PMPCB: variants seen among roughly 807,000 people sequenced by gnomAD.
PMPCB encodes mitochondrial-processing peptidase subunit beta.
Under a neutral mutation model 61.5 loss-of-function variants are expected in PMPCB, and 46 were observed. The ratio of observed to expected loss-of-function variants is 0.75; its 90% CI spans 0.59 to 0.96. The LOEUF (loss-of-function observed/expected upper bound fraction) is 0.96. PMPCB is among the 40% of genes least tolerant of loss of function. The pLI is 0.00. For missense variants in PMPCB, 590 were observed against 602.4 expected, an observed-to-expected ratio of 0.98 and a Z score of 0.22; for synonymous variants, 191 against 201.6, an observed-to-expected ratio of 0.95 and a Z score of 0.44.
intron 12 of PMPCB, among the ~76,000 whole-genome samples, chr7:103,325,936 C>T (rs1188273681): frequency 2.6e-5 from 4 of 152,168 alleles, no homozygotes; most frequent in African/African-American, 9.7e-5. Context: ...TGGAAAATTA[C>T]TGTCACCTAA....
downstream of PMPCB, among the ~76,000 whole-genome samples, chr7:103,332,216 A>C (rs1204004684): frequency 6.6e-6 from 1 of 152,166 alleles, no homozygotes; most frequent in East Asian, 1.9e-4. Context: ...CGTGTTAGCC[A>C]GGATGGTCTC....
the PMPCB span, chr7:103,335,337 T>C: frequency 6.6e-6 from 1 of 152,196 alleles, no homozygotes; most frequent in South Asian, 2.1e-4. Flanking sequence ...CAGAAAGCAA[T>C]GAGTAGCAAC....
Position 103,313,927 on chromosome 7 carries a change from A to G in PMPCB, c.*1656A>G. On this transcript the variant is annotated 3_prime_UTR_variant, in exon 13 of 13. Coordinates refer to ENST00000249269, the MANE Select transcript of PMPCB (RefSeq NM_004279.3). ...GACTATGCAGTGACAACACAGACTAATACTACCAGTAGCCTGACTACTACT... is the reference window on the plus strand; with the variant it reads ...GACTATGCAGTGACAACACAGACTAGTACTACCAGTAGCCTGACTACTACT... The G allele has an allele frequency of 1.0e-6, 1 of 985,446 alleles. No individual in the cohort carries two copies. The highest frequency in any genetic ancestry group is 1.2e-6 in the Non-Finnish European group (1 of 829,922). The allele number at this position is 985,446 out of a possible 1,614,324, so 61.0% of individuals were successfully genotyped here. A position where few individuals can be genotyped will look rare whatever the true frequency, so the allele number is the denominator to read the frequency against.
At chr7:103,344,543 T>C in the PMPCB span, 1 of 1,612,876 alleles carries the variant, frequency 6.2e-7, no homozygotes, top group South Asian at 1.1e-5. Flanking sequence ...GGAACCGAGG[T>C]TGGGTGGGCA....
intron 12 of PMPCB, among the ~76,000 whole-genome samples, chr7:103,320,587 C>T (rs1278307668): frequency 6.6e-6 from 1 of 150,926 alleles, no homozygotes; most frequent in Non-Finnish European, 1.5e-5. Flanking sequence ...AGTGAAACCC[C>T]GTCTCTACTA....
chr7:103,305,421 T>A (rs1817550086), intron 6 of PMPCB, among the ~76,000 whole-genome samples: 1 of 152,216 alleles, frequency 6.6e-6, no homozygotes, highest in South Asian at 2.1e-4. Context: ...TTTTTCTTTT[T>A]AAAATACATT....
downstream of PMPCB, chr7:103,316,491 TG>T (rs1818063034): frequency 4.3e-6 from 1 of 230,484 alleles, no homozygotes; most frequent in Admixed American, 5.3e-5. Context: ...CAGCTTGAGG[TG>T]GGAAAAAACA....
At chr7:103,324,416 A>G (rs1818588827) in intron 12 of PMPCB, 3 of 1,343,050 alleles carry the variant, frequency 2.2e-6, no homozygotes, top group East Asian at 5.5e-5. Flanking sequence ...ATAAACAATC[A>G]AGTACTTATT....
At chr7:103,344,444 G>A in the PMPCB span, 15 of 1,183,990 alleles carry the variant, frequency 1.3e-5, no homozygotes, top group Admixed American at 7.3e-5. Flanking sequence ...GGCCCCATAC[G>A]GCCCCGGGGC....
At chr7:103,305,006 T>C (rs987597061) in intron 6 of PMPCB, among the ~76,000 whole-genome samples, 1 of 152,022 alleles carries the variant, frequency 6.6e-6, no homozygotes, top group African/African-American at 2.4e-5. Context: ...CTTAATGAAC[T>C]GTTCAATACA....
intron 12 of PMPCB, among the ~76,000 whole-genome samples, chr7:103,326,389 G>A (rs1029442948): frequency 6.6e-6 from 1 of 152,158 alleles, no homozygotes; most frequent in African/African-American, 2.4e-5. Flanking sequence ...TTCACCAGAA[G>A]GGCTGAATAT....
rs920718849 is a variant in PMPCB, at chr7:103,311,578, TC to T, written c.1155-64del. 6 of 1,130,070 alleles carry T rather than the reference TC, an allele frequency of 5.3e-6. No individual in the cohort carries two copies. The African/African-American group carries it at 7.7e-5, about 14-fold the overall frequency. 70.0% of individuals were successfully genotyped at this position (1,130,070 alleles called of 1,614,324 possible). On this transcript the variant is annotated intron_variant, in intron 9 of 12. Coordinates refer to ENST00000249269, the MANE Select transcript of PMPCB (RefSeq NM_004279.3). ...TTTGTGTAGAAGATGGCATCATCATTCTTAGGTCATTAACTCATGAAATACA... is the reference window on the plus strand; with the variant it reads ...TTTGTGTAGAAGATGGCATCATCATTTTAGGTCATTAACTCATGAAATACA...
intron 12 of PMPCB, among the ~76,000 whole-genome samples, chr7:103,320,181 C>G (rs1290095679): frequency 6.6e-6 from 1 of 152,132 alleles, no homozygotes; most frequent in African/African-American, 2.4e-5. Flanking sequence ...CTCCACCTCC[C>G]GGGTTCAAGC....
At chr7:103,323,221 C>G (rs575792051) in intron 12 of PMPCB, among the ~76,000 whole-genome samples, 18 of 152,166 alleles carry the variant, frequency 1.2e-4, no homozygotes, top group Non-Finnish European at 1.9e-4. Flanking sequence ...TGAGCCAGCA[C>G]GCCCGGCCTA....
Position 103,312,934 on chromosome 7 carries a change from T to C in PMPCB, c.*663T>C. On this transcript the variant is annotated 3_prime_UTR_variant, in exon 13 of 13. Coordinates refer to ENST00000249269, the MANE Select transcript of PMPCB (RefSeq NM_004279.3). ...TTAAAATACAACAATCTATAAACGC[T>C]TAAGTCTGCAACCTTGTATCGTTTC... The C allele has an allele frequency of 6.2e-7, 1 of 1,602,428 alleles. No homozygotes were observed. The highest frequency in any genetic ancestry group is 8.5e-7 in the Non-Finnish European group (1 of 1,177,144).
intron 12 of PMPCB, among the ~76,000 whole-genome samples, chr7:103,321,625 A>C (rs777148478): frequency 3.0e-4 from 46 of 151,312 alleles, no homozygotes; most frequent in Non-Finnish European, 5.9e-4. Flanking sequence ...AGGCGGGGAG[A>C]TCACTTGAGG....
At chr7:103,309,422 G>A (rs1182917991) in intron 8 of PMPCB, among the ~76,000 whole-genome samples, 1 of 152,144 alleles carries the variant, frequency 6.6e-6, no homozygotes, top group African/African-American at 2.4e-5. Flanking sequence ...ACCAACCATA[G>A]GTGGAAAATT....
At chr7:103,341,001 T>C in the PMPCB span, among the ~76,000 whole-genome samples, 1 of 152,176 alleles carries the variant, frequency 6.6e-6, no homozygotes, top group Admixed American at 6.5e-5. Flanking sequence ...GCGCTAATGC[T>C]GGGAAGGACC....
At chr7:103,323,882 CTTCTT>C (rs1206968082) in intron 12 of PMPCB, among the ~76,000 whole-genome samples, 1 of 152,184 alleles carries the variant, frequency 6.6e-6, no homozygotes, top group African/African-American at 2.4e-5. Context: ...CCTGCTATCT[CTTCTT>C]TGTTAGGTTT....
Sources: gnomAD v4.1 joint callset for allele counts (sites outside exome capture counted in the v4.1 genomes callset) on GRCh38, gnomAD v4.1.1 for gene constraint, MANE v1.5 for transcripts, NCBI Gene and HGNC (gene_info 2026-07-23, HGNC 2026-07-21) for gene names.